Variants in NBPF14 observed in about 807,000 individuals in gnomAD.
NBPF14 encodes the protein NBPF member 14, also known as NBPF family member NBPF14.
In NBPF14, 104 loss-of-function variants were observed where a neutral mutation model predicts 91.2. The ratio of observed to expected loss-of-function variants is 1.14; its 90% CI spans 0.97 to 1.34. The LOEUF (loss-of-function observed/expected upper bound fraction) is 1.34, where lower values mean the gene tolerates loss of function less well. NBPF14 is among the 40% of genes most tolerant of loss of function. The pLI, the probability that NBPF14 is intolerant of heterozygous loss-of-function variation, is 0.00. For missense variants in NBPF14, 908 were observed against 783.0 expected (o/e 1.16, Z -1.91); for synonymous variants, 294 against 303.8 (o/e 0.97, Z 0.34).
rs1156778625 is a variant in NBPF14, at chr1:148,534,869, G to C, written c.8442-13C>G. On this transcript the variant is annotated splice_polypyrimidine_tract_variant and intron_variant, in intron 68 of 70. Transcript: ENST00000619423. ...CTCCCTGCTGAGCCTGGAAAAGTAG[G>C]AAAAAGTAAAGAATAAGCCAGGGGG... 2 of 853,568 alleles carry C rather than the reference G, an allele frequency of 2.3e-6. No homozygotes were observed. Among genetic ancestry groups the C allele is most frequent in the African/African-American group, 1.9e-5 (1 of 51,618 alleles). The allele number at this position is 853,568 out of a possible 1,614,324, so 52.9% of individuals were successfully genotyped here. A position where few individuals can be genotyped will look rare whatever the true frequency, so the allele number is the denominator to read the frequency against.
At chr1:148,587,654 T>A (rs1329517776) in intron 7 of NBPF14, among the ~76,000 whole-genome samples, 129,225 of 135,894 alleles carry the variant, frequency 0.95, 61,848 homozygotes, top group East Asian at 0.99. Context: ...CAACCACAAC[T>A]AAGTGGAGTC....
chr1:148,535,129 C>T (rs1450586328), intron 68 of NBPF14, among the ~76,000 whole-genome samples: 25 of 147,326 alleles, frequency 1.7e-4, no homozygotes, highest in Non-Finnish European at 2.8e-4. Flanking sequence ...TCAAAGGACA[C>T]TCTGAGTTAG....
At chr1:148,535,054 G>C (rs1654826458) in intron 68 of NBPF14, among the ~76,000 whole-genome samples, 198 bp from the exon 69 acceptor site, 3 of 146,968 alleles carry the variant, frequency 2.0e-5, no homozygotes, top group Admixed American at 1.4e-4. Context: ...GACAGGGAGA[G>C]GGAGAGAGAG....
At position 148,595,243 on chromosome 1, in the gene NBPF14, G is replaced by T. The variant is rs1413138881; in HGVS notation, c.175+300C>A. Among the ~76,000 whole-genome samples, 4 of 147,852 alleles carry T rather than the reference G, an allele frequency of 2.7e-5. 1 individual carries two copies. The highest frequency in any genetic ancestry group is 1.0e-4 in the African/African-American group (4 of 40,160). Reference sequence around the variant, plus strand: ...GCAGGATCTTATATGGTACAGAGAGGATTCTTGAAAACACGATTGAGCCCC... The same window carrying T: ...GCAGGATCTTATATGGTACAGAGAGTATTCTTGAAAACACGATTGAGCCCC... On this transcript the variant is annotated intron_variant, in intron 2 of 70. Coordinates refer to ENST00000619423, the Ensembl canonical transcript of NBPF14.
At chr1:148,578,006 C>A in exon 14 of NBPF14, 1 of 668,450 alleles carries the variant, frequency 1.5e-6, no homozygotes, top group Non-Finnish European at 2.7e-6. Flanking sequence ...CCTCTTGGTC[C>A]TCCTTTTTCA....
At position 148,533,850 on chromosome 1, in the gene NBPF14, C is replaced by T. The variant is rs1380808285; in HGVS notation, c.8723+11G>A. ...ACACAGAACTAAGGATCCACAATTG[C>T]TGAAAGTCACCTGGGGCATGGTGGG... On this transcript the variant is annotated intron_variant, in intron 70 of 70. Transcript: ENST00000619423. The T allele has an allele frequency of 2.3e-4, 178 of 765,124 alleles. 1 individual carries two copies. The highest frequency in any genetic ancestry group is 3.5e-4 in the Middle Eastern group (1 of 2,828). 47.4% of individuals were successfully genotyped at this position (765,124 alleles called of 1,614,324 possible). A position where few individuals can be genotyped will look rare whatever the true frequency, so the allele number is the denominator to read the frequency against.
Position 148,534,271 on chromosome 1 carries a change from G to A in NBPF14, c.8615-302C>T, listed in dbSNP as rs1193832219. On this transcript the variant is annotated intron_variant, in intron 69 of 70. Transcript: ENST00000619423. ...TCAACGTAAAGCAAATACCCTCAAT[G>A]ATTTCTAGGAGAAAAACTGCAATAT... Among the ~76,000 whole-genome samples the A allele has an allele frequency of 2.3e-3, 352 of 151,792 alleles. 6 individuals carry two copies. The highest frequency in any genetic ancestry group is 8.0e-3 in the African/African-American group (332 of 41,312).
Position 148,577,756 on chromosome 1 carries a change from A to T in NBPF14, c.1853+227T>A, listed in dbSNP as rs1170317900. On this transcript the variant is annotated intron_variant, in intron 14 of 70. Transcript: ENST00000619423. ...TTCCCGGCAGTTACCATGAGAATACAGCTTTTGAGGTATGGTCAACTTTCA... is the reference window on the plus strand; with the variant it reads ...TTCCCGGCAGTTACCATGAGAATACTGCTTTTGAGGTATGGTCAACTTTCA... Among the ~76,000 whole-genome samples, 11 of 141,374 alleles carry T rather than the reference A, an allele frequency of 7.8e-5. No individual in the cohort carries two copies. The East Asian group carries it at 2.0e-3, about 26-fold the overall frequency. 92.7% of individuals were successfully genotyped at this position (141,374 alleles called of 152,430 possible). A position where few individuals can be genotyped will look rare whatever the true frequency, so the allele number is the denominator to read the frequency against.
In NBPF14 at chr1:148,534,763, C is replaced by G. The variant is rs1654722523; in HGVS notation, c.8535G>C (p.Leu2845=). The change falls in exon 69 of 71, where the codon CTG becomes CTC. Residue 2845 remains leucine, a synonymous_variant. Coordinates refer to ENST00000619423, the Ensembl canonical transcript of NBPF14. The stretch of plus-strand genomic sequence containing the variant: ...TGCTGTAGGGCTGGCCTAAGTCAGG[C>G]AGTTCAAGATAACCTGAAGGAGTCG... 1.9e-4 allele frequency: 157 copies of G among 822,226 alleles called. 4 individuals are homozygous for G. In the South Asian group the frequency reaches 1.9e-3, roughly 10 times the overall value. 50.9% of individuals were successfully genotyped at this position (822,226 alleles called of 1,614,324 possible). A position where few individuals can be genotyped will look rare whatever the true frequency, so the allele number is the denominator to read the frequency against.
At chr1:148,533,623 G>A (rs1320394933) in intron 70 of NBPF14, among the ~76,000 whole-genome samples, 2 of 147,270 alleles carry the variant, frequency 1.4e-5, no homozygotes, top group African/African-American at 2.6e-5. Flanking sequence ...AAAATTCGAT[G>A]CAGTGGCCAT....
chr1:148,533,767 T>G (rs1458808091), intron 70 of NBPF14, 94 bp downstream of exon 70: 4 of 762,308 alleles, frequency 5.2e-6, no homozygotes, highest in African/African-American at 1.7e-5. Flanking sequence ...CAGCCTTTGT[T>G]GAAAATATGA....
chr1:148,577,497 T>A, intron 14 of NBPF14, 142 bp from the exon 15 acceptor site: 1 of 708,918 alleles, frequency 1.4e-6, no homozygotes, highest in Non-Finnish European at 2.6e-6. Flanking sequence ...TTATTGCCTT[T>A]ATGTTGGGAT....
At chr1:148,591,181 C>A (rs1662405295) in intron 5 of NBPF14, among the ~76,000 whole-genome samples, 1 of 146,696 alleles carries the variant, frequency 6.8e-6, no homozygotes, top group African/African-American at 2.5e-5. Flanking sequence ...AGCTGGTGTT[C>A]AGTGCACTGA....
intron 28 of NBPF14, among the ~76,000 whole-genome samples, chr1:148,566,582 C>T (rs1461701366): frequency 2.1e-5 from 3 of 142,588 alleles, no homozygotes; most frequent in African/African-American, 7.6e-5. Context: ...AGTGAATTGT[C>T]CAGGTGACAC....
At chr1:148,559,949 G>A (rs1164211882) in exon 37 of NBPF14, 3 of 1,375,964 alleles carry the variant, frequency 2.2e-6, no homozygotes, top group African/African-American at 2.0e-5. Flanking sequence ...TTCTCATGCA[G>A]CAGCTCCCTG....
chr1:148,533,751 G>A (rs1553331724), intron 70 of NBPF14, 110 bp downstream of exon 70: 1 of 759,504 alleles, frequency 1.3e-6, no homozygotes, highest in Non-Finnish European at 2.4e-6. Flanking sequence ...GACAGTAGGA[G>A]TAATTCAGCC....
chr1:148,534,654 G>A lies in NBPF14; in HGVS notation c.8614+30C>T, dbSNP rs1295248607. 12 of 852,486 alleles carry A rather than the reference G, an allele frequency of 1.4e-5. 1 individual carries two copies. Among genetic ancestry groups the A allele is most frequent in the African/African-American group, 1.4e-4 (8 of 59,110 alleles). The allele number at this position is 852,486 out of a possible 1,614,324, so 52.8% of individuals were successfully genotyped here. Reference sequence around the variant, plus strand: ...ACCCCTATCTGGAAGACCAGGTGGAGGCTTATCACCTTCATAGTAAGGTAC... The same window carrying A: ...ACCCCTATCTGGAAGACCAGGTGGAAGCTTATCACCTTCATAGTAAGGTAC... On this transcript the variant is annotated intron_variant, in intron 69 of 70. Transcript: ENST00000619423.
rs1389056176 is a variant in NBPF14, at chr1:148,587,235, C to T, written c.1091+66G>A. The T allele has an allele frequency of 1.3e-4, 175 of 1,375,302 alleles. 14 individuals are homozygous for T. Among genetic ancestry groups the T allele is most frequent in the Non-Finnish European group, 1.6e-4 (156 of 970,800 alleles). The allele number at this position is 1,375,302 out of a possible 1,614,324, so 85.2% of individuals were successfully genotyped here. On this transcript the variant is annotated intron_variant, in intron 8 of 70. Coordinates refer to ENST00000619423, the Ensembl canonical transcript of NBPF14. The stretch of plus-strand genomic sequence containing the variant: ...CCAGCTGAGCTCTTACGTCTCCCCA[C>T]TGAGCTGCTGTACTTCAGAGATTTA...
rs1354597019 is a variant in NBPF14, at chr1:148,533,890, C to T, written c.8694G>A (p.Gly2898=). ...GGCATGGTGGGTTTTGATCTTCTTC[C>T]CCTTCTTTTCTTCCCCTTCTTCTTT... The change falls in exon 70 of 71, where the codon GGG becomes GGA. Residue 2898 remains glycine (G), a synonymous_variant. Coordinates refer to ENST00000619423, the Ensembl canonical transcript of NBPF14. The T allele has an allele frequency of 3.8e-4, 290 of 759,312 alleles. 3 individuals are homozygous for T. The highest frequency in any genetic ancestry group is 3.4e-3 in the South Asian group (255 of 74,014). The allele number at this position is 759,312 out of a possible 1,614,324, so 47.0% of individuals were successfully genotyped here. A position where few individuals can be genotyped will look rare whatever the true frequency, so the allele number is the denominator to read the frequency against.
Sources: gnomAD v4.1 joint callset for allele counts (sites outside exome capture counted in the v4.1 genomes callset) on GRCh38, gnomAD v4.1.1 for gene constraint, MANE v1.5 for transcripts, NCBI Gene and HGNC (gene_info 2026-07-23, HGNC 2026-07-21) for gene names.